Variants in DNAJC11 observed in about 807,000 individuals in gnomAD.
The protein encoded by DNAJC11 is dnaJ homolog subfamily C member 11.
DNAJC11 carries 15 observed loss-of-function variants against 78.6 expected under a neutral mutation model. The observed-to-expected ratio is 0.19, with a 90% CI of 0.13 to 0.29. DNAJC11 has a LOEUF of 0.29. Ranked by LOEUF, DNAJC11 falls within the 10% of genes least tolerant of loss-of-function variation. The pLI, the probability that DNAJC11 is intolerant of heterozygous loss-of-function variation, is 1.00. For missense variants in DNAJC11, 547 were observed against 709.6 expected (o/e 0.77, Z 2.60); for synonymous variants, 292 against 272.1 (o/e 1.07, Z -0.72).
chr1:6,697,376 C>T (rs1287519644), intron 1 of DNAJC11, among the ~76,000 whole-genome samples: 1 of 152,200 alleles, frequency 6.6e-6, no homozygotes, highest in Non-Finnish European at 1.5e-5. Flanking sequence ...ATAATTTTTC[C>T]ACAGACTAGT....
At chr1:6,646,721 C>G (rs1243355133) in intron 7 of DNAJC11, among the ~76,000 whole-genome samples, 1 of 152,126 alleles carries the variant, frequency 6.6e-6, no homozygotes, top group Admixed American at 6.6e-5. Flanking sequence ...AGAGGTATTT[C>G]ATTTTACTAA....
intron 4 of DNAJC11, among the ~76,000 whole-genome samples, chr1:6,658,852 C>T (rs1035633596): frequency 6.6e-6 from 1 of 152,200 alleles, no homozygotes; most frequent in Non-Finnish European, 1.5e-5. Context: ...CCCCCCTGGC[C>T]AGCAGATGTC....
chr1:6,677,158 C>CAAAAAA (rs1181692411), intron 3 of DNAJC11, among the ~76,000 whole-genome samples: 2 of 49,472 alleles, frequency 4.0e-5, no homozygotes, highest in Non-Finnish European at 8.2e-5. Flanking sequence ...AACTTGGTCT[C>CAAAAAA]AAAAAAAAAA....
intron 12 of DNAJC11, chr1:6,638,031 G>C (rs1641812743): frequency 7.1e-6 from 3 of 425,280 alleles, no homozygotes; most frequent in Admixed American, 8.0e-5. Flanking sequence ...GCTCCCTCCT[G>C]CTCAGTAAAA....
chr1:6,666,773 T>G (rs575226729), intron 4 of DNAJC11, among the ~76,000 whole-genome samples: 24 of 152,264 alleles, frequency 1.6e-4, no homozygotes, highest in African/African-American at 4.6e-4. Flanking sequence ...TCTGCTCTCC[T>G]TCCAACAACG....
intron 3 of DNAJC11, among the ~76,000 whole-genome samples, chr1:6,677,829 T>C (rs563765077): frequency 6.6e-6 from 1 of 152,326 alleles, no homozygotes; most frequent in South Asian, 2.1e-4. Context: ...GCTATATATT[T>C]TGTTTCACTC....
chr1:6,651,679 C>G, intron 6 of DNAJC11, 77 bp from the exon 7 acceptor site: 2 of 1,087,412 alleles, frequency 1.8e-6, no homozygotes, highest in Non-Finnish European at 2.8e-6. Context: ...GTATGTACCT[C>G]TAGGTATAAT....
At chr1:6,681,086 T>G (rs768125260) in intron 1 of DNAJC11, 49 bp from the exon 2 acceptor site, 1 of 1,555,916 alleles carries the variant, frequency 6.4e-7, no homozygotes, top group Non-Finnish European at 8.7e-7. Context: ...TACTTAAACA[T>G]TATCATCATC....
chr1:6,648,595 T>G (rs1642003015), intron 7 of DNAJC11, among the ~76,000 whole-genome samples: 1 of 152,152 alleles, frequency 6.6e-6, no homozygotes, highest in South Asian at 2.1e-4. Flanking sequence ...TAGCTGGGAT[T>G]ACAGGTGTGT....
At chr1:6,681,316 G>A (rs1169693495) in intron 1 of DNAJC11, among the ~76,000 whole-genome samples, 4 of 152,134 alleles carry the variant, frequency 2.6e-5, no homozygotes, top group Admixed American at 1.3e-4. Flanking sequence ...AGTGTGCTCT[G>A]AGCTGAAACA....
chr1:6,656,511 A>C (rs1642128930), intron 4 of DNAJC11, among the ~76,000 whole-genome samples: 1 of 152,190 alleles, frequency 6.6e-6, no homozygotes, highest in Non-Finnish European at 1.5e-5. Context: ...ATGTTCTAAT[A>C]TGAAGAAATT....
chr1:6,654,865 C>A (rs1642104591), intron 4 of DNAJC11, among the ~76,000 whole-genome samples: 1 of 151,522 alleles, frequency 6.6e-6, no homozygotes, highest in Non-Finnish European at 1.5e-5. Context: ...GTGGCACGAT[C>A]TTGGCTCACT....
In DNAJC11 at chr1:6,634,209, A is replaced by G. The variant is rs1641707941; in HGVS notation, c.*1466T>C. ...GTTTATTGTGGTGAGTGCCTTCTGT[A>G]CAGTCGACTGCAAATGAAACGCAGA... On this transcript the variant is annotated 3_prime_UTR_variant, in exon 16 of 16. Coordinates refer to ENST00000377577, the MANE Select transcript of DNAJC11 (RefSeq NM_018198.4). 2.0e-6 allele frequency: 2 copies of G among 990,888 alleles called. No individual in the cohort carries two copies. The highest frequency in any genetic ancestry group is 3.0e-6 in the Non-Finnish European group (2 of 660,026). The allele number at this position is 990,888 out of a possible 1,614,324, so 61.4% of individuals were successfully genotyped here.
At chr1:6,665,336 T>C (rs1642278686) in intron 4 of DNAJC11, among the ~76,000 whole-genome samples, 1 of 152,198 alleles carries the variant, frequency 6.6e-6, no homozygotes, top group Non-Finnish European at 1.5e-5. Flanking sequence ...CCCAAAGTGC[T>C]GGGATTACAG....
chr1:6,674,271 A>G (rs1295344058), intron 3 of DNAJC11, among the ~76,000 whole-genome samples: 1 of 152,078 alleles, frequency 6.6e-6, no homozygotes, highest in African/African-American at 2.4e-5. Context: ...TTAAAAAAAA[A>G]GTGGGGGGGC....
In DNAJC11 at chr1:6,686,012, C is replaced by T. The variant is rs547150373; in HGVS notation, c.73-4975G>A. Among the ~76,000 whole-genome samples the T allele has an allele frequency of 2.6e-4, 40 of 152,298 alleles. No homozygotes were observed. The South Asian group carries it at 6.6e-3, about 25-fold the overall frequency. On this transcript the variant is annotated intron_variant, in intron 1 of 15. Coordinates refer to ENST00000377577, the MANE Select transcript of DNAJC11 (RefSeq NM_018198.4). ...TGCGGTGATGTCTGTGTATCTATAACCTCATTATTGTCCAATACAGTCATT... is the reference window on the plus strand; with the variant it reads ...TGCGGTGATGTCTGTGTATCTATAATCTCATTATTGTCCAATACAGTCATT...
chr1:6,671,800 G>A (rs948811319), intron 3 of DNAJC11, among the ~76,000 whole-genome samples: 4 of 152,166 alleles, frequency 2.6e-5, no homozygotes, highest in African/African-American at 7.2e-5. Flanking sequence ...CCAAAGTGGC[G>A]TGAGCCACTG....
chr1:6,660,161 ATT>A (rs932954545), intron 4 of DNAJC11, among the ~76,000 whole-genome samples: 1 of 139,902 alleles, frequency 7.1e-6, no homozygotes. Flanking sequence ...CTAATATATA[ATT>A]TTTTTTTTTT....
At chr1:6,698,311 AG>A (rs1323868187) in intron 1 of DNAJC11, among the ~76,000 whole-genome samples, 11 of 152,224 alleles carry the variant, frequency 7.2e-5, no homozygotes, top group African/African-American at 2.4e-4. Flanking sequence ...ACAGGTATTA[AG>A]ATATTCTTCC....
Sources: gnomAD v4.1 joint callset for allele counts (sites outside exome capture counted in the v4.1 genomes callset) on GRCh38, gnomAD v4.1.1 for gene constraint, MANE v1.5 for transcripts, NCBI Gene and HGNC (gene_info 2026-07-23, HGNC 2026-07-21) for gene names.